CACNA2D1: variants seen among roughly 807,000 people sequenced by gnomAD.
CACNA2D1 encodes the protein calcium voltage-gated channel auxiliary subunit alpha2delta 1.
CACNA2D1 carries 53 observed loss-of-function variants against 171.5 expected under a neutral mutation model. That is an observed-to-expected ratio of 0.31 (90% confidence interval 0.25 to 0.39). The LOEUF (loss-of-function observed/expected upper bound fraction) is 0.39, where lower values mean the gene tolerates loss of function less well. Among genes scored for constraint, CACNA2D1 ranks in the 10% least tolerant of loss-of-function variants. The pLI, the probability that CACNA2D1 is intolerant of heterozygous loss-of-function variation, is 1.00. For synonymous variants in CACNA2D1, 442 were observed against 443.1 expected (o/e 1.00, Z 0.03); for missense variants, 903 against 1,299.8 (o/e 0.69, Z 4.69).
intron 29 of CACNA2D1, 134 bp downstream of exon 29, chr7:81,968,750 ATTT>A (rs1441210621): frequency 4.4e-5 from 27 of 614,768 alleles, no homozygotes; most frequent in South Asian, 4.0e-4. Context: ...ATTTTATTTA[ATTT>A]TTTTAAGTGT....
chr7:81,999,628 A>G (rs930099219), intron 18 of CACNA2D1, among the ~76,000 whole-genome samples: 1 of 152,160 alleles, frequency 6.6e-6, no homozygotes, highest in Non-Finnish European at 1.5e-5. Context: ...AATAAAACAG[A>G]CCATTTTCAG....
chr7:82,433,440 G>A (rs1028714580), intron 1 of CACNA2D1, among the ~76,000 whole-genome samples: 3 of 152,092 alleles, frequency 2.0e-5, no homozygotes, highest in Admixed American at 6.5e-5. Context: ...ATTCCTTCTT[G>A]AGAATGGAAT....
intron 3 of CACNA2D1, among the ~76,000 whole-genome samples, chr7:82,224,174 T>A (rs1177641928): frequency 1.3e-5 from 2 of 152,204 alleles, no homozygotes; most frequent in African/African-American, 4.8e-5. Flanking sequence ...CAAAAATATT[T>A]GCTGAATAAA....
chr7:82,433,214 T>C (rs1397605264), intron 1 of CACNA2D1, among the ~76,000 whole-genome samples: 1 of 151,482 alleles, frequency 6.6e-6, no homozygotes, highest in African/African-American at 2.4e-5. Context: ...TCTAACGACA[T>C]GTTATAAAAC....
At chr7:82,283,419 T>C (rs1810367703) in intron 3 of CACNA2D1, among the ~76,000 whole-genome samples, 1 of 152,182 alleles carries the variant, frequency 6.6e-6, no homozygotes, top group African/African-American at 2.4e-5. Context: ...TATAGAACTT[T>C]AAAATTTACA....
chr7:82,243,423 CTT>C (rs1369170292), intron 3 of CACNA2D1, among the ~76,000 whole-genome samples: 8 of 152,126 alleles, frequency 5.3e-5, no homozygotes, highest in East Asian at 3.9e-4. Context: ...ATGATTGACT[CTT>C]ATATTTTTCT....
At chr7:82,099,424 T>TAAACAGGAAGGTAGGAG (rs1563046125) in intron 6 of CACNA2D1, among the ~76,000 whole-genome samples, 2 of 33,428 alleles carry the variant, frequency 6.0e-5, no homozygotes, top group African/African-American at 1.3e-4. Context: ...AATACCTTCT[T>TAAACAGGAAGGTAGGAG]TTTTTTTTTT....
chr7:82,083,708 A>G (rs1012868157), intron 7 of CACNA2D1, among the ~76,000 whole-genome samples: 16 of 152,208 alleles, frequency 1.1e-4, no homozygotes, highest in East Asian at 5.8e-4. Flanking sequence ...TACTGATTTT[A>G]CCATCTGGCA....
chr7:82,366,705 A>AAATAAAG (rs1375220200), intron 1 of CACNA2D1, among the ~76,000 whole-genome samples: 2 of 152,106 alleles, frequency 1.3e-5, no homozygotes, highest in Non-Finnish European at 2.9e-5. Flanking sequence ...TCTCTTTGGC[A>AAATAAAG]GAATGATTTA....
chr7:82,205,923 A>G (rs1442575456), intron 3 of CACNA2D1, among the ~76,000 whole-genome samples: 1 of 152,182 alleles, frequency 6.6e-6, no homozygotes, highest in Admixed American at 6.5e-5. Context: ...TGATAGATAT[A>G]TAACTTAAAA....
intron 3 of CACNA2D1, among the ~76,000 whole-genome samples, chr7:82,193,511 G>T (rs543751683): frequency 6.6e-6 from 1 of 151,866 alleles, no homozygotes; most frequent in Non-Finnish European, 1.5e-5. Flanking sequence ...AAAATGAAAT[G>T]TCTCATTTTT....
intron 4 of CACNA2D1, among the ~76,000 whole-genome samples, chr7:82,150,276 CAACAACAAA>C (rs1563122975): frequency 1.9e-4 from 15 of 76,986 alleles, no homozygotes; most frequent in East Asian, 6.3e-4. Flanking sequence ...AAAACAAAAA[CAACAACAAA>C]AAAAAACACC....
chr7:82,101,268 A>G (rs1584750711), intron 6 of CACNA2D1, among the ~76,000 whole-genome samples: 2 of 152,154 alleles, frequency 1.3e-5, no homozygotes, highest in East Asian at 1.9e-4. Flanking sequence ...AGACTTCTCA[A>G]CATTCCTGTA....
chr7:82,002,470 T>G (rs1219721657), intron 18 of CACNA2D1, among the ~76,000 whole-genome samples: 1 of 152,208 alleles, frequency 6.6e-6, no homozygotes, highest in African/African-American at 2.4e-5. Flanking sequence ...TATTAAAAAG[T>G]TTTAACGTTT....
intron 1 of CACNA2D1, among the ~76,000 whole-genome samples, chr7:82,417,627 G>C (rs577341822): frequency 8.5e-5 from 13 of 152,226 alleles, no homozygotes; most frequent in Non-Finnish European, 1.5e-4. Context: ...TAAAACCTTA[G>C]ATCAGTGGTT....
intron 3 of CACNA2D1, among the ~76,000 whole-genome samples, chr7:82,256,077 G>A (rs1293709934): frequency 6.6e-6 from 1 of 152,140 alleles, no homozygotes; most frequent in Non-Finnish European, 1.5e-5. Context: ...AGGAGTTCGA[G>A]ACTAGCCTGG....
At chr7:82,081,099 G>A (rs553284659) in intron 7 of CACNA2D1, among the ~76,000 whole-genome samples, 3 of 152,238 alleles carry the variant, frequency 2.0e-5, no homozygotes, top group South Asian at 4.1e-4. Flanking sequence ...CCTAGCCTGA[G>A]GGTCAAGTCT....
chr7:81,998,688 C>A (rs1423219077), intron 18 of CACNA2D1, among the ~76,000 whole-genome samples: 2 of 151,902 alleles, frequency 1.3e-5, no homozygotes, highest in East Asian at 1.9e-4. Context: ...TCACTACAAT[C>A]AGAAGATTCT....
In CACNA2D1 at chr7:81,949,187, A is replaced by C. The variant is rs1288776555; in HGVS notation, c.*1205T>G. On this transcript the variant is annotated 3_prime_UTR_variant, in exon 39 of 39. Transcript: ENST00000356860. The stretch of plus-strand genomic sequence containing the variant: ...CATTGAGAACATATATGTACTTTTC[A>C]AAAAATAAATGTGTCAAATCTGATT... 6.6e-6 allele frequency: 1 copy of C among 152,076 alleles called. No individual in the cohort carries two copies. The highest frequency in any genetic ancestry group is 1.5e-5 in the Non-Finnish European group (1 of 67,960). 9.4% of individuals were successfully genotyped at this position (152,076 alleles called of 1,614,324 possible).
Sources: allele counts gnomAD v4.1 joint callset (sites outside exome capture counted in the v4.1 genomes callset), GRCh38; gene constraint gnomAD v4.1.1; transcripts MANE v1.5; gene names NCBI Gene and HGNC (gene_info 2026-07-23, HGNC 2026-07-21).